The following STIM2 variants were observed in gnomAD, a reference collection of about 807,000 sequenced individuals.
The protein encoded by STIM2 is stromal interaction molecule 2.
STIM2 carries 31 observed loss-of-function variants against 85.8 expected under a neutral mutation model. That is an observed-to-expected ratio of 0.36 (90% CI 0.27 to 0.49). STIM2 has a LOEUF of 0.49. STIM2 is among the 20% of genes least tolerant of loss of function. The pLI, the probability that STIM2 is intolerant of heterozygous loss-of-function variation, is 0.98. For missense variants in STIM2, 841 were observed against 927.6 expected (o/e 0.91, Z 1.21); for synonymous variants, 356 against 331.1 (o/e 1.08, Z -0.82).
intron 1 of STIM2, among the ~76,000 whole-genome samples, chr4:26,885,575 A>G (rs1040447283): frequency 3.9e-5 from 6 of 151,988 alleles, no homozygotes; most frequent in Non-Finnish European, 5.9e-5. Context: ...TCTTGATGGT[A>G]TGAAGGATCC....
At chr4:26,953,796 G>A (rs1726144543) in intron 2 of STIM2, among the ~76,000 whole-genome samples, 1 of 151,610 alleles carries the variant, frequency 6.6e-6, no homozygotes, top group Non-Finnish European at 1.5e-5. Flanking sequence ...AGACTGTCTC[G>A]ACTACTCATA....
chr4:26,954,926 A>C (rs954063786), intron 2 of STIM2, among the ~76,000 whole-genome samples: 1 of 147,262 alleles, frequency 6.8e-6, no homozygotes, highest in African/African-American at 2.6e-5. Context: ...TTTAGATGGT[A>C]ATTCCAGGGA....
At chr4:27,020,391 G>A (rs1288808262) in intron 11 of STIM2, among the ~76,000 whole-genome samples, 3 of 152,206 alleles carry the variant, frequency 2.0e-5, no homozygotes, top group Non-Finnish European at 4.4e-5. Flanking sequence ...TGATTTCTGA[G>A]TCTGATCATT....
intron 4 of STIM2, among the ~76,000 whole-genome samples, chr4:26,997,407 C>T (rs1318877780): frequency 6.6e-6 from 1 of 152,142 alleles, no homozygotes; most frequent in Non-Finnish European, 1.5e-5. Flanking sequence ...GTTTTCTATA[C>T]TCTGTAATTC....
intron 5 of STIM2, among the ~76,000 whole-genome samples, chr4:27,001,210 C>G (rs188887250): frequency 6.6e-6 from 1 of 152,208 alleles, no homozygotes. Context: ...CAGTTTTTCA[C>G]TGTGAGCTGT....
rs1160721676 is a variant in STIM2 at position 26,905,074 on chromosome 4, A to G, written c.152-14430A>G. ...TTCTTTCAGTGAAGTATAGGAAGCA[A>G]AGTCTTCACTGTGAAAAAAGATAGG... On this transcript the variant is annotated intron_variant, in intron 1 of 11. Transcript: ENST00000467087. 3.3e-5 allele frequency among the ~76,000 whole-genome samples: 5 copies of G among 152,114 alleles called. No homozygotes were observed. In the South Asian group the frequency reaches 8.3e-4, roughly 25 times the overall value.
intron 5 of STIM2, 37 bp from the exon 6 acceptor site, chr4:27,002,180 C>CA (rs1292572221): frequency 1.9e-6 from 3 of 1,542,040 alleles, no homozygotes; most frequent in Non-Finnish European, 2.6e-6. Context: ...CTGTCATACT[C>CA]AAAGATTAAT....
chr4:26,877,403 A>G (rs954472749), intron 1 of STIM2, among the ~76,000 whole-genome samples: 2 of 151,074 alleles, frequency 1.3e-5, no homozygotes, highest in African/African-American at 4.9e-5. Flanking sequence ...CTTTTCCTTT[A>G]CCTTTTTTAA....
chr4:26,962,457 C>T (rs1190377328), intron 3 of STIM2, among the ~76,000 whole-genome samples: 3 of 152,008 alleles, frequency 2.0e-5, no homozygotes, highest in Admixed American at 2.0e-4. Flanking sequence ...GTGAAATGTA[C>T]CCAAGATCTT....
chr4:26,968,019 A>T (rs1283738813), intron 3 of STIM2, among the ~76,000 whole-genome samples: 2 of 152,120 alleles, frequency 1.3e-5, no homozygotes, highest in Non-Finnish European at 1.5e-5. Flanking sequence ...AAAATGAAAA[A>T]AATTCGCCAG....
At position 26,887,755 on chromosome 4, in the gene STIM2, A is replaced by G. The variant is rs184249458; in HGVS notation, c.151+26386A>G. 2.6e-5 allele frequency among the ~76,000 whole-genome samples: 4 copies of G among 152,332 alleles called. 1 individual carries two copies. The highest frequency in any genetic ancestry group is 2.6e-4 in the Admixed American group (4 of 15,304). On this transcript the variant is annotated intron_variant, in intron 1 of 11. Coordinates refer to ENST00000467087, the MANE Select transcript of STIM2 (RefSeq NM_020860.4). ...TTATATAGTGCATATCTGTAATTAT[A>G]TTACCAATTATTTAGTTGCACTTAA...
intron 1 of STIM2, among the ~76,000 whole-genome samples, chr4:26,869,719 C>T (rs543751672): frequency 2.6e-5 from 4 of 151,252 alleles, no homozygotes; most frequent in African/African-American, 9.7e-5. Flanking sequence ...TGAAAATTGC[C>T]TGAGAGTGGA....
At chr4:26,864,678 C>A (rs1665816577) in intron 1 of STIM2, among the ~76,000 whole-genome samples, 1 of 151,994 alleles carries the variant, frequency 6.6e-6, no homozygotes, top group Admixed American at 6.5e-5. Flanking sequence ...ACTGATTTGG[C>A]ATGTTATTAG....
intron 10 of STIM2, among the ~76,000 whole-genome samples, chr4:27,012,781 T>C (rs1202006527): frequency 1.3e-5 from 2 of 152,074 alleles, no homozygotes; most frequent in Admixed American, 6.5e-5. Context: ...GAAGTATTTT[T>C]TTTAATGTTT....
chr4:26,861,236 G>C lies in STIM2; in HGVS notation c.18G>C (p.Leu6=). The change falls in exon 1 of 12, where the codon CTG becomes CTC. Residue 6 remains leucine (L), a synonymous_variant. Coordinates refer to ENST00000467087, the MANE Select transcript of STIM2 (RefSeq NM_020860.4). ...GGGCTGCGTTGCTGGTGCTCGGGCT[G>C]CTGGTAGCCGGAGCGGCGGACGGAT... 1 of 1,494,552 alleles carries C rather than the reference G, an allele frequency of 6.7e-7. No homozygotes were observed. The allele number at this position is 1,494,552 out of a possible 1,614,324, so 92.6% of individuals were successfully genotyped here.
At chr4:26,873,863 GC>G (rs1202613508) in intron 1 of STIM2, 2 of 1,175,236 alleles carry the variant, frequency 1.7e-6, no homozygotes, top group Admixed American at 3.8e-5. Context: ...ACCCATCCGG[GC>G]AGAGAGGCAG....
At chr4:26,963,268 T>C (rs915678610) in intron 3 of STIM2, among the ~76,000 whole-genome samples, 14 of 152,236 alleles carry the variant, frequency 9.2e-5, no homozygotes, top group African/African-American at 3.1e-4. Flanking sequence ...TTTAAAAATA[T>C]CTAGAACCTT....
chr4:26,951,660 T>C (rs1389254823), intron 2 of STIM2, among the ~76,000 whole-genome samples: 1 of 152,128 alleles, frequency 6.6e-6, no homozygotes, highest in Non-Finnish European at 1.5e-5. Flanking sequence ...TCTGACTTAC[T>C]AAAGTTTAGC....
At chr4:26,995,764 G>A (rs1727941731) in intron 4 of STIM2, among the ~76,000 whole-genome samples, 1 of 151,880 alleles carries the variant, frequency 6.6e-6, no homozygotes, top group Non-Finnish European at 1.5e-5. Flanking sequence ...ATAACATCAA[G>A]GGTCAACTTT....
Sources: allele counts gnomAD v4.1 joint callset (sites outside exome capture counted in the v4.1 genomes callset), GRCh38; gene constraint gnomAD v4.1.1; transcripts MANE v1.5; gene names NCBI Gene and HGNC (gene_info 2026-07-23, HGNC 2026-07-21).